TRHDE: variants seen among roughly 807,000 people sequenced by gnomAD.
TRHDE encodes the protein thyrotropin releasing hormone degrading enzyme.
Under a neutral mutation model 125.7 loss-of-function variants are expected in TRHDE, and 72 were observed. That is an observed-to-expected ratio of 0.57 (90% CI 0.47 to 0.70). The LOEUF is 0.70. Among genes scored for constraint, TRHDE ranks in the 30% least tolerant of loss-of-function variants. TRHDE has a pLI of 0.00. For missense variants in TRHDE, 1,110 were observed against 1,327.1 expected (o/e 0.84, Z 2.54); for synonymous variants, 509 against 509.1 (o/e 1.00, Z 0.00).
intron 2 of TRHDE, among the ~76,000 whole-genome samples, chr12:72,117,754 A>G (rs1216266620): frequency 6.6e-6 from 1 of 151,534 alleles, no homozygotes; most frequent in African/African-American, 2.4e-5. Flanking sequence ...AATTTCTTTC[A>G]CCAATATTTT....
intron 2 of TRHDE, among the ~76,000 whole-genome samples, chr12:72,341,923 A>G (rs11179161): frequency 0.079 from 12,086 of 152,214 alleles, 927 homozygotes; most frequent in East Asian, 0.46. Context: ...ATGTTTGAAA[A>G]TGATTTTGGA....
chr12:72,116,732 GT>G (rs1454975301), intron 2 of TRHDE, among the ~76,000 whole-genome samples: 2 of 151,912 alleles, frequency 1.3e-5, no homozygotes, highest in East Asian at 3.9e-4. Context: ...ATTTATTTAA[GT>G]TCCTTGCAGT....
At chr12:72,411,069 G>A (rs1302232574) in intron 3 of TRHDE, among the ~76,000 whole-genome samples, 1 of 151,906 alleles carries the variant, frequency 6.6e-6, no homozygotes, top group Admixed American at 6.6e-5. Context: ...TGGGCGTGGT[G>A]GCAGGCACCT....
rs941482813 is a variant in TRHDE at position 72,664,135 on chromosome 12, A to G, written c.*940A>G. On this transcript the variant is annotated 3_prime_UTR_variant, in exon 19 of 19. Transcript: ENST00000261180. ...TACAAACAAAATTTTTGTATAAACT[A>G]CTATTCCAGTTCTCCTGTGTCAGTC... 2.0e-5 allele frequency: 3 copies of G among 152,216 alleles called. No individual in the cohort carries two copies. Among genetic ancestry groups the G allele is most frequent in the Non-Finnish European group, 2.9e-5 (2 of 68,006 alleles). The allele number at this position is 152,216 out of a possible 1,614,324, so 9.4% of individuals were successfully genotyped here. A position where few individuals can be genotyped will look rare whatever the true frequency, so the allele number is the denominator to read the frequency against.
chr12:72,444,675 T>C (rs1016032515), intron 3 of TRHDE, among the ~76,000 whole-genome samples: 7 of 151,862 alleles, frequency 4.6e-5, no homozygotes, highest in Non-Finnish European at 7.4e-5. Context: ...AATAATTTAA[T>C]AAGATTAAAT....
chr12:72,297,299 C>T (rs73137362), intron 2 of TRHDE, among the ~76,000 whole-genome samples: 3,592 of 151,988 alleles, frequency 0.024, 45 homozygotes, highest in Middle Eastern at 0.041. Flanking sequence ...TACAAGTCAC[C>T]ATAAAAGTAA....
At chr12:72,528,722 C>T (rs767524915) in intron 6 of TRHDE, among the ~76,000 whole-genome samples, 1 of 151,914 alleles carries the variant, frequency 6.6e-6, no homozygotes, top group Non-Finnish European at 1.5e-5. Context: ...CTCCTGATCT[C>T]GTGACCCCCC....
chr12:72,653,789 T>C (rs1190013939), intron 17 of TRHDE, among the ~76,000 whole-genome samples: 9 of 152,132 alleles, frequency 5.9e-5, no homozygotes, highest in Admixed American at 1.3e-4. Context: ...CCTATTAAAA[T>C]TCAATTTATT....
intron 12 of TRHDE, among the ~76,000 whole-genome samples, chr12:72,582,762 G>C (rs1871291286): frequency 6.6e-6 from 1 of 152,090 alleles, no homozygotes; most frequent in African/African-American, 2.4e-5. Context: ...CTCTATAATG[G>C]AGATAACAGG....
chr12:72,574,924 G>T (rs550698609), intron 10 of TRHDE, among the ~76,000 whole-genome samples: 2 of 151,974 alleles, frequency 1.3e-5, no homozygotes, highest in African/African-American at 4.8e-5. Flanking sequence ...ATCCCCATAC[G>T]ATCTAATTAG....
At chr12:72,377,572 C>A (rs559556441) in intron 2 of TRHDE, among the ~76,000 whole-genome samples, 2 of 152,224 alleles carry the variant, frequency 1.3e-5, no homozygotes, top group Admixed American at 6.5e-5. Context: ...GGTAATACTT[C>A]GGAAGCTTGA....
intron 6 of TRHDE, among the ~76,000 whole-genome samples, chr12:72,527,590 A>C (rs1319809387): frequency 6.6e-6 from 1 of 151,734 alleles, no homozygotes; most frequent in Non-Finnish European, 1.5e-5. Flanking sequence ...AGGAGTTAAA[A>C]AAAAAAAAAA....
intron 6 of TRHDE, among the ~76,000 whole-genome samples, chr12:72,503,406 C>G (rs1336358408): frequency 6.6e-6 from 1 of 152,084 alleles, no homozygotes; most frequent in Non-Finnish European, 1.5e-5. Context: ...ATTTGATAAG[C>G]CTGTGCTTAT....
In TRHDE at chr12:72,273,489, C is replaced by T. The variant is rs1879343733; in HGVS notation, c.846C>T (p.Tyr282=). ...AQRNYNLKII[Y]NALIENELLG... The stretch of plus-strand genomic sequence containing the variant: ...GGAATTACAATCTGAAGATTATCTA[C>T]AACGCGCTCATCGAGAATGAGCTCC... The change falls in exon 1 of 19, where the codon TAC becomes TAT. Residue 282 remains tyrosine, a synonymous_variant. Transcript: ENST00000261180. This position sits in a 1 kb window ranked among gnomAD's most constrained non-coding sequence, Gnocchi z 5.3. 6.2e-7 allele frequency: 1 copy of T among 1,612,464 alleles called. No individual in the cohort carries two copies. Among genetic ancestry groups the T allele is most frequent in the African/African-American group, 1.3e-5 (1 of 74,922 alleles).
chr12:72,213,217 A>G (rs1216169187), intron 2 of TRHDE, among the ~76,000 whole-genome samples: 1 of 152,052 alleles, frequency 6.6e-6, no homozygotes, highest in Admixed American at 6.6e-5. Context: ...AGTGACTGTT[A>G]ATGGGTATTG....
At chr12:72,625,917 G>A (rs567281160) in intron 15 of TRHDE, among the ~76,000 whole-genome samples, 3 of 151,992 alleles carry the variant, frequency 2.0e-5, no homozygotes, top group Non-Finnish European at 4.4e-5. Context: ...TACTCACTTC[G>A]GTGAGTAAGC....
At chr12:72,640,631 G>C (rs771035403) in intron 15 of TRHDE, among the ~76,000 whole-genome samples, 16 of 151,024 alleles carry the variant, frequency 1.1e-4, no homozygotes, top group Non-Finnish European at 1.8e-4. Context: ...CTCTGAGTTC[G>C]ATCTAAGTCT....
rs151242236 is a variant in TRHDE, at chr12:72,207,253, G to A, written n.279+101501G>A. Among the ~76,000 whole-genome samples the A allele has an allele frequency of 2.8e-3, 424 of 152,288 alleles. 2 individuals are homozygous for A. The highest frequency in any genetic ancestry group is 4.8e-3 in the Non-Finnish European group (329 of 68,020). ...CAGCAGGGCTATTACATAAGGTCCAGTCACATTAGCTTAGATCAAAAATGC... is the reference window on the plus strand; with the variant it reads ...CAGCAGGGCTATTACATAAGGTCCAATCACATTAGCTTAGATCAAAAATGC... On this transcript the variant is annotated intron_variant and non_coding_transcript_variant, in intron 2 of 4. Coordinates refer to the TRHDE transcript ENST00000548156.
chr12:72,629,284 A>C (rs952213505), intron 15 of TRHDE, among the ~76,000 whole-genome samples: 1 of 151,840 alleles, frequency 6.6e-6, no homozygotes, highest in Non-Finnish European at 1.5e-5. Context: ...CATAGTCAAT[A>C]GTTATTTTTT....
Sources: allele counts gnomAD v4.1 joint callset (sites outside exome capture counted in the v4.1 genomes callset), GRCh38; gene constraint gnomAD v4.1.1; non-coding constraint Gnocchi (gnomAD v3.1); transcripts MANE v1.5; gene names NCBI Gene and HGNC (gene_info 2026-07-23, HGNC 2026-07-21).